The following DNAH17 variants were observed in gnomAD, a reference collection of about 807,000 sequenced individuals.
DNAH17 encodes axonemal beta dynein heavy chain 17.
In DNAH17, 376 loss-of-function variants were observed where a neutral mutation model predicts 485.6. The ratio of observed to expected loss-of-function variants is 0.77; its 90% confidence interval spans 0.71 to 0.84. DNAH17 has a LOEUF of 0.84. Among genes scored for constraint, DNAH17 ranks in the 40% least tolerant of loss-of-function variants. The pLI is 0.00. For missense variants in DNAH17, 6,370 were observed against 5,839.3 expected, an observed-to-expected ratio of 1.09 and a Z score of -2.96; for synonymous variants, 3,031 against 2,405.9, an observed-to-expected ratio of 1.26 and a Z score of -7.60.
In DNAH17 at chr17:78,490,865, G is replaced by A; in HGVS notation, c.6670-18C>T. 3 of 1,581,226 alleles carry A rather than the reference G, an allele frequency of 1.9e-6. No individual in the cohort carries two copies. Among genetic ancestry groups the A allele is most frequent in the Middle Eastern group, 1.7e-4 (1 of 5,798 alleles). On this transcript the variant is annotated intron_variant, in intron 43 of 80. Transcript: ENST00000389840. ...GTGAGGACCTAGGAGGGGGACAGCA[G>A]CCCGTGGGGTCCTAAGGCGACACCT...
rs540335350 is a variant in DNAH17 at position 78,510,788 on chromosome 17, C to T, written c.4114-282G>A. On this transcript the variant is annotated intron_variant, in intron 26 of 80. Transcript: ENST00000389840. ...AATTCACATCCGCCCAGAACCTTCA[C>T]GTGTCACCTTATTTGGAAATAGGGT... The T allele has an allele frequency of 3.2e-4, 115 of 357,932 alleles. 1 individual carries two copies. In the South Asian group the frequency reaches 3.7e-3, roughly 12 times the overall value. The allele number at this position is 357,932 out of a possible 1,614,324, so 22.2% of individuals were successfully genotyped here.
Position 78,450,779 on chromosome 17 carries a change from G to A in DNAH17, c.10802C>T (p.Ala3601Val). The change falls in exon 67 of 81, where the codon GCC becomes GTC. Residue 3601 changes from alanine to valine, a missense_variant. Ala to Val is a moderately conservative substitution (Grantham distance 64). Coordinates refer to ENST00000389840, the MANE Select transcript of DNAH17 (RefSeq NM_173628.4). Reference protein sequence around the residue: ...VLKELEDSLLARLSAASGNFL... With the variant: ...VLKELEDSLLVRLSAASGNFL... ...GTTCCCCGACGCAGCCGACAGACGGGCCAGGAGCGAATCTTCCAGCTCTTT... is the reference window on the plus strand; with the variant it reads ...GTTCCCCGACGCAGCCGACAGACGGACCAGGAGCGAATCTTCCAGCTCTTT... 4 of 1,614,046 alleles carry A rather than the reference G, an allele frequency of 2.5e-6. No homozygotes were observed. Among genetic ancestry groups the A allele is most frequent in the Non-Finnish European group, 3.4e-6 (4 of 1,179,896 alleles).
intron 12 of DNAH17, 112 bp from the exon 13 acceptor site, chr17:78,561,047 T>C: frequency 3.0e-6 from 3 of 986,684 alleles, no homozygotes; most frequent in Non-Finnish European, 3.0e-6. Context: ...GGCCACCCAA[T>C]TACTCGAGGC....
intron 13 of DNAH17, among the ~76,000 whole-genome samples, chr17:78,560,476 T>A (rs62075927): frequency 7.1e-6 from 1 of 140,616 alleles, no homozygotes; most frequent in Admixed American, 7.0e-5. Context: ...GGCAAAGACT[T>A]TTTCCCCCCC....
In DNAH17 at chr17:78,434,222, T is replaced by C; in HGVS notation, c.12034-2A>G. On this transcript the variant is annotated splice_acceptor_variant, in intron 74 of 80. Coordinates refer to ENST00000389840, the MANE Select transcript of DNAH17 (RefSeq NM_173628.4). LOFTEE classifies it high-confidence loss of function. ...CTTGGTGCACATCTCCAGGGTGTCC[T>C]GTGGGGCACACGCTCCGGTCAGGTA... 6.2e-7 allele frequency: 1 copy of C among 1,601,542 alleles called. No homozygotes were observed. Among genetic ancestry groups the C allele is most frequent in the Non-Finnish European group, 8.5e-7 (1 of 1,170,536 alleles).
chr17:78,437,921 G>A (rs979269800), intron 73 of DNAH17, 53 bp from the exon 74 acceptor site: 11 of 1,390,906 alleles, frequency 7.9e-6, no homozygotes, highest in South Asian at 1.3e-5. Flanking sequence ...CCTGGCCCAC[G>A]AGGAGAGACT....
chr17:78,427,508 C>T (rs1394215543), intron 77 of DNAH17, among the ~76,000 whole-genome samples: 1 of 152,190 alleles, frequency 6.6e-6, no homozygotes, highest in Admixed American at 6.5e-5. Context: ...GTGGCCCACA[C>T]AGTGCAGTGG....
At chr17:78,547,624 T>G (rs1200778577) in intron 16 of DNAH17, among the ~76,000 whole-genome samples, 32 of 151,348 alleles carry the variant, frequency 2.1e-4, no homozygotes, top group African/African-American at 7.8e-4. Context: ...ACTATTTTTT[T>G]TTTTTTTTTT....
intron 58 of DNAH17, among the ~76,000 whole-genome samples, chr17:78,460,944 T>G (rs918798769): frequency 1.3e-5 from 2 of 152,096 alleles, no homozygotes; most frequent in African/African-American, 4.8e-5. Context: ...TACACAGATG[T>G]AGGACTGATG....
chr17:78,494,634 C>T lies in DNAH17; in HGVS notation c.6229G>A (p.Ala2077Thr). ...FMGLIGDLFPALDVPRKRDLN... is the reference protein window; with the variant it reads ...FMGLIGDLFPTLDVPRKRDLN... Reference sequence around the variant, plus strand: ...TCCCGTTTCCGAGGCACGTCCAGAGCCGGGAAGAGGTCCCCGATCAGTCCC... The same window carrying T: ...TCCCGTTTCCGAGGCACGTCCAGAGTCGGGAAGAGGTCCCCGATCAGTCCC... Residue 2077 changes from alanine (A) to threonine (T), a missense_variant, in exon 40 of 81, where the codon GCT becomes ACT. Physicochemically the swap from Ala to Thr is moderately conservative, Grantham distance 58 (BLOSUM62 0). Transcript: ENST00000389840. 1.2e-6 allele frequency: 2 copies of T among 1,613,900 alleles called. No individual in the cohort carries two copies. Among genetic ancestry groups the T allele is most frequent in the South Asian group, 1.1e-5 (1 of 91,082 alleles).
chr17:78,563,399 G>A (rs904086581), intron 11 of DNAH17, among the ~76,000 whole-genome samples: 3 of 149,350 alleles, frequency 2.0e-5, no homozygotes, highest in African/African-American at 7.5e-5. Flanking sequence ...TGGGGCAGTT[G>A]GAAAAAAAAA....
chr17:78,426,429 G>T, intron 79 of DNAH17, 28 bp downstream of exon 79: 1 of 1,568,120 alleles, frequency 6.4e-7, no homozygotes, highest in South Asian at 1.2e-5. Context: ...CGAGTCTTAG[G>T]AAGCCTCTCA....
intron 79 of DNAH17, among the ~76,000 whole-genome samples, chr17:78,425,818 T>G (rs1598429882): frequency 7.0e-6 from 1 of 143,538 alleles, no homozygotes; most frequent in Admixed American, 7.3e-5. Flanking sequence ...CAGGCTGGAG[T>G]GCAGTGGTGC....
In DNAH17 at chr17:78,514,766, C is replaced by A. The variant is rs771937794; in HGVS notation, c.4113+8G>T. On this transcript the variant is annotated splice_region_variant and intron_variant, in intron 26 of 80. Coordinates refer to ENST00000389840, the MANE Select transcript of DNAH17 (RefSeq NM_173628.4). Reference sequence around the variant, plus strand: ...GCGGTCCCCTCCGCCCACCATGGTGCATGGTACCTGGGTGGCCTGCATGAG... The same window carrying A: ...GCGGTCCCCTCCGCCCACCATGGTGAATGGTACCTGGGTGGCCTGCATGAG... 1.9e-6 allele frequency: 3 copies of A among 1,613,168 alleles called. No homozygotes were observed.
chr17:78,465,144 C>T (rs2088357623), intron 56 of DNAH17, among the ~76,000 whole-genome samples: 1 of 152,234 alleles, frequency 6.6e-6, no homozygotes, highest in Non-Finnish European at 1.5e-5. Flanking sequence ...GTTGCCCAGG[C>T]CAGTCTCCAG....
intron 64 of DNAH17, 105 bp from the exon 65 acceptor site, chr17:78,453,570 G>C: frequency 6.9e-7 from 1 of 1,457,252 alleles, no homozygotes; most frequent in Admixed American, 2.1e-5. Context: ...ACAGCGCCAA[G>C]CGAGGGGTGA....
chr17:78,524,551 T>G (rs966576009), intron 25 of DNAH17, among the ~76,000 whole-genome samples: 5 of 152,110 alleles, frequency 3.3e-5, no homozygotes, highest in African/African-American at 1.2e-4. Flanking sequence ...ACAAAGTGCG[T>G]CCTCACCAGA....
chr17:78,475,426 C>G lies in DNAH17; in HGVS notation c.8363G>C (p.Arg2788Pro). The G allele has an allele frequency of 6.2e-7, 1 of 1,613,828 alleles. No individual in the cohort carries two copies. Among genetic ancestry groups the G allele is most frequent in the Non-Finnish European group, 8.5e-7 (1 of 1,179,876 alleles). Residue 2788 changes from arginine (R) to proline (P), a missense_variant, in exon 54 of 81, where the codon CGC becomes CCC. Transcript: ENST00000389840. ...DAVAHICRINRILESPRGNAL... is the reference protein window; with the variant it reads ...DAVAHICRINPILESPRGNAL... Reference sequence around the variant, plus strand: ...ATTCCCCCGGGGAGACTCCAGGATGCGATTAATCCTGCAGATGTGAGCCAC... The same window carrying G: ...ATTCCCCCGGGGAGACTCCAGGATGGGATTAATCCTGCAGATGTGAGCCAC...
chr17:78,449,882 G>A (rs993369775), intron 68 of DNAH17: 16 of 427,172 alleles, frequency 3.7e-5, no homozygotes, highest in African/African-American at 3.2e-4. Flanking sequence ...CACCATGTTG[G>A]TCAGGCTGGT....
Sources: allele counts gnomAD v4.1 joint callset (sites outside exome capture counted in the v4.1 genomes callset), GRCh38; gene constraint gnomAD v4.1.1; transcripts MANE v1.5; gene names NCBI Gene and HGNC (gene_info 2026-07-23, HGNC 2026-07-21).